The following PKHD1 variants were observed in gnomAD, a reference collection of about 807,000 sequenced individuals.
PKHD1 encodes fibrocystin.
In PKHD1, 291 loss-of-function variants were observed where a neutral mutation model predicts 412.0. The observed-to-expected ratio is 0.71, with a 90% CI of 0.64 to 0.78. The LOEUF (loss-of-function observed/expected upper bound fraction) is 0.78, where lower values mean the gene tolerates loss of function less well. Among genes scored for constraint, PKHD1 ranks in the 30% least tolerant of loss-of-function variants. PKHD1 has a pLI of 0.00. For synonymous variants in PKHD1, 1,777 were observed against 1,821.5 expected (o/e 0.98, Z 0.62); for missense variants, 4,825 against 4,950.7 (o/e 0.97, Z 0.76).
intron 57 of PKHD1, among the ~76,000 whole-genome samples, chr6:51,752,691 A>G (rs1431383482): frequency 6.6e-6 from 1 of 152,248 alleles, no homozygotes; most frequent in African/African-American, 2.4e-5. Flanking sequence ...AGTTTAAGAA[A>G]CGAGGTCCTA....
At chr6:51,733,081 G>A (rs1295764217) in intron 60 of PKHD1, among the ~76,000 whole-genome samples, 1 of 152,136 alleles carries the variant, frequency 6.6e-6, no homozygotes, top group Admixed American at 6.5e-5. Context: ...CCCAGAGAGT[G>A]GAATGTTGGT....
chr6:51,636,119 A>G (rs1005460737), intron 64 of PKHD1, among the ~76,000 whole-genome samples: 1 of 152,194 alleles, frequency 6.6e-6, no homozygotes, highest in Non-Finnish European at 1.5e-5. Context: ...ATTTGATAAT[A>G]TGTCAGACCT....
At chr6:51,974,437 A>T (rs959771788) in intron 35 of PKHD1, among the ~76,000 whole-genome samples, 3 of 152,220 alleles carry the variant, frequency 2.0e-5, no homozygotes, top group Admixed American at 6.5e-5. Context: ...ATTTAATGAC[A>T]ATGTAATAGG....
At chr6:51,943,571 C>CTCTTAAAGTAAATAAATAA (rs1435763810) in intron 36 of PKHD1, among the ~76,000 whole-genome samples, 1 of 151,590 alleles carries the variant, frequency 6.6e-6, no homozygotes, top group Non-Finnish European at 1.5e-5. Context: ...TCTTAACTCC[C>CTCTTAAAGTAAATAAATAA]TCTTAAAGTA....
At chr6:52,069,388 G>A in intron 11 of PKHD1, 69 bp downstream of exon 11, 1 of 1,119,654 alleles carries the variant, frequency 8.9e-7, no homozygotes, top group South Asian at 1.2e-5. Context: ...ATGGCCAAAA[G>A]ATAGGGAAGG....
In PKHD1 at chr6:51,971,129, A is replaced by G. The variant is rs369827765; in HGVS notation, c.5752-11103T>C. The stretch of plus-strand genomic sequence containing the variant: ...GTAGTTTTCCTTGCAGAGATCTTTC[A>G]CCTCCTTGGTTAAATATATTCGTAA... On this transcript the variant is annotated intron_variant, in intron 35 of 66. Transcript: ENST00000371117. 3.0e-4 allele frequency among the ~76,000 whole-genome samples: 45 copies of G among 152,018 alleles called. 1 individual carries two copies. Among genetic ancestry groups the G allele is most frequent in the South Asian group, 1.5e-3 (7 of 4,802 alleles).
chr6:51,682,195 G>A (rs772449613), intron 60 of PKHD1: 12 of 455,002 alleles, frequency 2.6e-5, no homozygotes, highest in South Asian at 1.7e-4. Context: ...CCTGCTTCAG[G>A]GAAGAGGATA....
intron 3 of PKHD1, 124 bp from the exon 4 acceptor site, chr6:52,082,666 C>T: frequency 2.3e-6 from 2 of 860,744 alleles, no homozygotes; most frequent in East Asian, 2.6e-5. Flanking sequence ...TAAATTAATA[C>T]TCCTCATTTC....
chr6:51,807,437 C>CAAAA (rs1174429085), intron 52 of PKHD1, among the ~76,000 whole-genome samples: 2 of 39,106 alleles, frequency 5.1e-5, no homozygotes, highest in African/African-American at 9.1e-5. Flanking sequence ...GACTCTGTCT[C>CAAAA]AAAAAAAAAA....
chr6:51,635,283 T>C (rs1768385554), intron 64 of PKHD1, among the ~76,000 whole-genome samples: 1 of 152,080 alleles, frequency 6.6e-6, no homozygotes, highest in East Asian at 1.9e-4. Context: ...ATATAGTCAG[T>C]CCATTTTTGT....
intron 52 of PKHD1, among the ~76,000 whole-genome samples, chr6:51,828,550 A>G (rs1271763930): frequency 6.6e-6 from 1 of 152,140 alleles, no homozygotes; most frequent in Non-Finnish European, 1.5e-5. Context: ...AAAATCCTAT[A>G]GTGGTATGTG....
chr6:51,819,187 A>G (rs12208497), intron 52 of PKHD1, among the ~76,000 whole-genome samples: 5,842 of 152,318 alleles, frequency 0.038, 179 homozygotes, highest in Middle Eastern at 0.11. Context: ...TAAAAGTGTT[A>G]CACGATCAAA....
At chr6:51,769,843 G>A (rs1789763006) in intron 55 of PKHD1, among the ~76,000 whole-genome samples, 1 of 151,410 alleles carries the variant, frequency 6.6e-6, no homozygotes, top group South Asian at 2.1e-4. Context: ...TCTCATTATT[G>A]TTACTTCCCA....
chr6:51,712,925 C>T (rs1780824197), intron 60 of PKHD1, among the ~76,000 whole-genome samples: 1 of 152,142 alleles, frequency 6.6e-6, no homozygotes, highest in Non-Finnish European at 1.5e-5. Context: ...TCCAATGTGA[C>T]TGACAAAGCT....
chr6:51,912,315 T>G, intron 38 of PKHD1, 51 bp downstream of exon 38: 3 of 1,159,118 alleles, frequency 2.6e-6, no homozygotes, highest in Non-Finnish European at 2.6e-6. Flanking sequence ...CCCAATACAG[T>G]TAAGATCTCA....
At position 52,073,550 on chromosome 6, in the gene PKHD1, A is replaced by G. The variant is rs776549682; in HGVS notation, c.449-9T>C. 1.3e-6 allele frequency: 2 copies of G among 1,547,098 alleles called. No individual in the cohort carries two copies. The highest frequency in any genetic ancestry group is 1.8e-6 in the Non-Finnish European group (2 of 1,120,702). On this transcript the variant is annotated splice_polypyrimidine_tract_variant and intron_variant, in intron 6 of 66. Transcript: ENST00000371117. ...TACATGTATTAGTTTTCCTGTTTGA[A>G]GAAGAATTTTTTTAATTTAATGGAC... is the stretch of plus-strand genomic sequence containing the variant.
chr6:51,915,700 A>ACATGCCATG (rs1385580181), intron 37 of PKHD1, among the ~76,000 whole-genome samples: 3 of 152,010 alleles, frequency 2.0e-5, no homozygotes, highest in Non-Finnish European at 4.4e-5. Context: ...CCATGTGTTC[A>ACATGCCATG]GTACTCTCAT....
intron 13 of PKHD1, among the ~76,000 whole-genome samples, chr6:52,063,057 T>C (rs1406804666): frequency 6.6e-5 from 10 of 152,194 alleles, no homozygotes; most frequent in Admixed American, 6.5e-4. Context: ...TAAGTCCCAG[T>C]TCTGCTGTGA....
chr6:52,051,243 G>T (rs1190269461), intron 21 of PKHD1, among the ~76,000 whole-genome samples: 2 of 152,090 alleles, frequency 1.3e-5, no homozygotes, highest in Non-Finnish European at 2.9e-5. Context: ...CCATAGGTGG[G>T]GATAACAGGA....
Sources: gnomAD v4.1 joint callset for allele counts (sites outside exome capture counted in the v4.1 genomes callset) on GRCh38, gnomAD v4.1.1 for gene constraint, MANE v1.5 for transcripts, NCBI Gene and HGNC (gene_info 2026-07-23, HGNC 2026-07-21) for gene names.